Variants in GPR139 observed in about 807,000 individuals in gnomAD.
GPR139 encodes G protein-coupled receptor 139, also known as probable G protein-coupled receptor 139.
In GPR139, 12 loss-of-function variants were observed where a neutral mutation model predicts 25.8. The ratio of observed to expected loss-of-function variants is 0.47; its 90% CI spans 0.30 to 0.75. The LOEUF (loss-of-function observed/expected upper bound fraction) is 0.75, where lower values mean the gene tolerates loss of function less well. Among genes scored for constraint, GPR139 ranks in the 30% least tolerant of loss-of-function variants. The pLI, the probability that GPR139 is intolerant of heterozygous loss-of-function variation, is 0.07. For missense variants in GPR139, 380 were observed against 450.2 expected (o/e 0.84, Z 1.41); for synonymous variants, 184 against 179.9 (o/e 1.02, Z -0.18).
Position 20,043,228 on chromosome 16 carries a change from C to A in GPR139, c.128-10559G>T, listed in dbSNP as rs2057342836. On this transcript the variant is annotated intron_variant, in intron 1 of 1. Transcript: ENST00000570682. ...CAACCAATTGACCTCCTCTTGACAG[C>A]AGAATTGGTTCTGGCTTTTTGACCA... is the stretch of plus-strand genomic sequence containing the variant. Among the ~76,000 whole-genome samples, 9 of 152,316 alleles carry A rather than the reference C, an allele frequency of 5.9e-5. No individual in the cohort carries two copies. The South Asian group carries it at 1.9e-3, about 32-fold the overall frequency.
intron 1 of GPR139, among the ~76,000 whole-genome samples, chr16:20,046,778 GA>G (rs1301928793): frequency 6.6e-6 from 1 of 152,016 alleles, no homozygotes; most frequent in Non-Finnish European, 1.5e-5. Context: ...TTAAAACAAA[GA>G]AAAAAATGGC....
chr16:20,072,685 C>G (rs1313234559), intron 1 of GPR139, among the ~76,000 whole-genome samples: 4 of 152,192 alleles, frequency 2.6e-5, no homozygotes, highest in African/African-American at 4.8e-5. Flanking sequence ...GAATTCAGGA[C>G]AAGTCTCAGC....
In GPR139 at chr16:20,073,733, T is replaced by C; in HGVS notation, c.-117A>G. ...GGCAGCTGGAGCAGCAGCGCCTCTC[T>C]CCCCGCAGGACTGGCTCCTACCCTT... is the stretch of plus-strand genomic sequence containing the variant. On this transcript the variant is annotated 5_prime_UTR_variant, in exon 1 of 2. Coordinates refer to ENST00000570682, the MANE Select transcript of GPR139 (RefSeq NM_001002911.4). The surrounding 1 kb of genome is among the most constrained non-coding windows in gnomAD (Gnocchi z 4.7). 7.7e-7 allele frequency: 1 copy of C among 1,304,730 alleles called. No individual in the cohort carries two copies. The highest frequency in any genetic ancestry group is 1.0e-6 in the Non-Finnish European group (1 of 974,294). The allele number at this position is 1,304,730 out of a possible 1,614,324, so 80.8% of individuals were successfully genotyped here.
intron 1 of GPR139, among the ~76,000 whole-genome samples, chr16:20,049,460 C>T (rs2057364843): frequency 6.6e-6 from 1 of 152,196 alleles, no homozygotes; most frequent in Non-Finnish European, 1.5e-5. Flanking sequence ...GGGCGTAACA[C>T]TTAAGTCAGT....
At chr16:20,033,061 G>C (rs1211514786) in intron 1 of GPR139, among the ~76,000 whole-genome samples, 1 of 151,878 alleles carries the variant, frequency 6.6e-6, no homozygotes, top group African/African-American at 2.4e-5. Flanking sequence ...ACCGTGAGAG[G>C]CGATGCTGCC....
In GPR139 at chr16:20,032,156, C is replaced by G. The variant is rs1451326198; in HGVS notation, c.641G>C (p.Ser214Thr). ...GGAGTAGCCACGGAGACGAAAATTG[C>G]TCTTCCTCCTGAGCTTGTACACAAT... ...SIIVYKLRRK[S>T]NFRLRGYSTG... Residue 214 changes from serine (S) to threonine (T), a missense_variant, in exon 2 of 2, where the codon AGC (serine) becomes ACC (threonine). Coordinates refer to ENST00000570682, the MANE Select transcript of GPR139 (RefSeq NM_001002911.4). 6.2e-7 allele frequency: 1 copy of G among 1,614,064 alleles called. No homozygotes were observed. Among genetic ancestry groups the G allele is most frequent in the African/African-American group, 1.3e-5 (1 of 74,916 alleles).
At chr16:20,067,888 C>T (rs2141215889) in intron 1 of GPR139, among the ~76,000 whole-genome samples, 1 of 147,494 alleles carries the variant, frequency 6.8e-6, no homozygotes, top group East Asian at 2.0e-4. Context: ...TTCAAATACA[C>T]AATAGAATGC....
At chr16:20,042,683 C>G (rs2057340338) in intron 1 of GPR139, among the ~76,000 whole-genome samples, 1 of 152,016 alleles carries the variant, frequency 6.6e-6, no homozygotes, top group African/African-American at 2.4e-5. Context: ...TGTAGCTTCA[C>G]TATCATCTCC....
intron 1 of GPR139, among the ~76,000 whole-genome samples, chr16:20,041,115 G>T (rs1022327730): frequency 1.3e-3 from 5 of 3,706 alleles, no homozygotes; most frequent in Admixed American, 8.8e-3. Context: ...GACCCAGAAA[G>T]GAAAGGAAAG....
At chr16:20,051,407 C>T (rs1351953538) in intron 1 of GPR139, among the ~76,000 whole-genome samples, 3 of 152,194 alleles carry the variant, frequency 2.0e-5, no homozygotes, top group Non-Finnish European at 4.4e-5. Flanking sequence ...CTCCCCAAGG[C>T]TACCTCCCTA....
intron 1 of GPR139, among the ~76,000 whole-genome samples, chr16:20,063,562 CA>C (rs1255048398): frequency 6.6e-6 from 1 of 152,186 alleles, no homozygotes; most frequent in Non-Finnish European, 1.5e-5. Flanking sequence ...CATACACTAG[CA>C]CCAAGCTGAA....
chr16:20,058,579 G>A (rs769178508), intron 1 of GPR139, among the ~76,000 whole-genome samples: 1 of 152,058 alleles, frequency 6.6e-6, no homozygotes, highest in East Asian at 1.9e-4. Flanking sequence ...CCTCTTCTGC[G>A]AGCTATGTCT....
At chr16:20,040,744 G>C (rs1387892768) in intron 1 of GPR139, among the ~76,000 whole-genome samples, 1 of 152,134 alleles carries the variant, frequency 6.6e-6, no homozygotes, top group Non-Finnish European at 1.5e-5. Context: ...AGATGGAAAA[G>C]AGCTCACGTT....
intron 1 of GPR139, among the ~76,000 whole-genome samples, chr16:20,050,931 C>T (rs2141208548): frequency 6.6e-6 from 1 of 151,924 alleles, no homozygotes; most frequent in East Asian, 1.9e-4. Context: ...GGTGCAGTGT[C>T]AAGTGCCTGC....
intron 1 of GPR139, among the ~76,000 whole-genome samples, chr16:20,061,247 AT>A (rs869118927): frequency 0.19 from 27,930 of 150,484 alleles, 3,000 homozygotes; most frequent in East Asian, 0.27. Context: ...GGATGGATGG[AT>A]GGATGGATGG....
intron 1 of GPR139, among the ~76,000 whole-genome samples, chr16:20,059,389 A>G (rs1188284492): frequency 2.6e-5 from 4 of 151,580 alleles, no homozygotes; most frequent in African/African-American, 9.7e-5. Flanking sequence ...TTTTCATTGT[A>G]CTCTAACCTC....
chr16:20,059,780 T>C (rs576802587), intron 1 of GPR139, among the ~76,000 whole-genome samples: 17 of 152,316 alleles, frequency 1.1e-4, no homozygotes, highest in African/African-American at 3.4e-4. Flanking sequence ...CATTCCCAGA[T>C]GAGGAAACTG....
intron 1 of GPR139, among the ~76,000 whole-genome samples, chr16:20,046,279 C>T (rs1178383837): frequency 2.6e-5 from 4 of 152,210 alleles, no homozygotes; most frequent in Admixed American, 1.3e-4. Flanking sequence ...CTGAGCTGCT[C>T]ACTGTGAATC....
intron 1 of GPR139, among the ~76,000 whole-genome samples, chr16:20,055,841 T>A (rs547662694): frequency 3.9e-5 from 6 of 152,374 alleles, no homozygotes; most frequent in African/African-American, 1.2e-4. Flanking sequence ...GGTCTGAAGC[T>A]TGGCTTTGAG....
Sources: allele counts gnomAD v4.1 joint callset (sites outside exome capture counted in the v4.1 genomes callset), GRCh38; gene constraint gnomAD v4.1.1; non-coding constraint Gnocchi (gnomAD v3.1); transcripts MANE v1.5; gene names NCBI Gene and HGNC (gene_info 2026-07-23, HGNC 2026-07-21).